The following SIPA1L2 variants were observed in gnomAD, a reference collection of about 807,000 sequenced individuals.
SIPA1L2 encodes the protein signal-induced proliferation-associated 1-like protein 2.
SIPA1L2 carries 56 observed loss-of-function variants against 163.9 expected under a neutral mutation model. The ratio of observed to expected loss-of-function variants is 0.34; its 90% confidence interval spans 0.28 to 0.43. The LOEUF is 0.43. SIPA1L2 is among the 20% of genes least tolerant of loss of function. The pLI is 1.00. For synonymous variants in SIPA1L2, 877 were observed against 865.7 expected, an observed-to-expected ratio of 1.01 and a Z score of -0.23; for missense variants, 1,974 against 2,193.5, an observed-to-expected ratio of 0.90 and a Z score of 2.00.
Position 232,513,858 on chromosome 1 carries a change from T to C in SIPA1L2, c.1482A>G (p.Lys494=). 6.4e-7 allele frequency: 1 copy of C among 1,562,172 alleles called. No individual in the cohort carries two copies. ...CAAACGCCCATGGCTCTTCCTTACC[T>C]TTCCCATAGAAGAATTTGCGGTAAT... is the stretch of plus-strand genomic sequence containing the variant. ...AYYYRKFFYG[K]EHQNYFGIDE... The change falls in exon 3 of 23, where the codon AAA becomes AAG. Residue 494 remains lysine, a splice_region_variant and synonymous_variant. Transcript: ENST00000674635.
At chr1:232,594,725 T>C (rs1480915883) in intron 1 of SIPA1L2, among the ~76,000 whole-genome samples, 1 of 152,086 alleles carries the variant, frequency 6.6e-6, no homozygotes, top group Non-Finnish European at 1.5e-5. Context: ...CCCTAAAAAG[T>C]CCTAGTCTCT....
intron 3 of SIPA1L2, among the ~76,000 whole-genome samples, chr1:232,505,275 T>C (rs1046288568): frequency 3.3e-5 from 5 of 152,098 alleles, no homozygotes; most frequent in African/African-American, 7.2e-5. Context: ...GTGGGACAAA[T>C]AGTGAAATAA....
At position 232,502,553 on chromosome 1, in the gene SIPA1L2, A is replaced by G. The variant is rs536485893; in HGVS notation, c.1484-8893T>C. Among the ~76,000 whole-genome samples, 22 of 151,722 alleles carry G rather than the reference A, an allele frequency of 1.5e-4. No homozygotes were observed. The East Asian group carries it at 4.1e-3, about 28-fold the overall frequency. On this transcript the variant is annotated intron_variant, in intron 3 of 22. Coordinates refer to ENST00000674635, the MANE Select transcript of SIPA1L2 (RefSeq NM_020808.5). ...ATTTGTATATTCCCCTTTTTATCAA[A>G]GATGGCAGGTGAATTAAAAAAAAAA...
intron 2 of SIPA1L2, among the ~76,000 whole-genome samples, chr1:232,567,921 T>C (rs926891651): frequency 1.3e-5 from 2 of 152,222 alleles, no homozygotes; most frequent in African/African-American, 4.8e-5. Context: ...ATAATGCCTA[T>C]GTAATGAAGC....
chr1:232,583,256 G>C (rs2102809245), intron 1 of SIPA1L2, among the ~76,000 whole-genome samples: 1 of 152,226 alleles, frequency 6.6e-6, no homozygotes, highest in East Asian at 1.9e-4. Context: ...AAAGATATAA[G>C]TTAGGAAGTA....
intron 15 of SIPA1L2, among the ~76,000 whole-genome samples, chr1:232,437,352 C>T (rs1662625048): frequency 6.6e-6 from 1 of 152,100 alleles, no homozygotes. Flanking sequence ...TGAAATTAAG[C>T]CAGGAATAAT....
chr1:232,412,383 G>T (rs1426647458), intron 19 of SIPA1L2, among the ~76,000 whole-genome samples: 1 of 152,172 alleles, frequency 6.6e-6, no homozygotes, highest in Non-Finnish European at 1.5e-5. Flanking sequence ...ATTATTCCAA[G>T]GAAGTCTGAG....
chr1:232,607,033 G>C (rs1175310469), intron 1 of SIPA1L2, among the ~76,000 whole-genome samples: 2 of 151,950 alleles, frequency 1.3e-5, no homozygotes, highest in African/African-American at 4.8e-5. Flanking sequence ...ATTGAATCAG[G>C]AAACTGTTTT....
chr1:232,594,905 G>T (rs1012362854), intron 1 of SIPA1L2, among the ~76,000 whole-genome samples: 6 of 152,120 alleles, frequency 3.9e-5, no homozygotes, highest in African/African-American at 1.2e-4. Flanking sequence ...GATCTGCAGC[G>T]CCCACACCCA....
intron 18 of SIPA1L2, 75 bp downstream of exon 18, chr1:232,425,514 G>C (rs1353336050): frequency 8.7e-7 from 1 of 1,152,698 alleles, no homozygotes; most frequent in Non-Finnish European, 1.2e-6. Context: ...TCCACCCTCA[G>C]AGCTCAATGA....
intron 8 of SIPA1L2, among the ~76,000 whole-genome samples, chr1:232,470,310 T>C (rs929761835): frequency 3.3e-5 from 5 of 152,206 alleles, no homozygotes; most frequent in African/African-American, 1.2e-4. Flanking sequence ...ACAGGTGTAC[T>C]GCATTAGAAC....
At chr1:232,541,917 T>A (rs539036012) in intron 2 of SIPA1L2, among the ~76,000 whole-genome samples, 1 of 142,876 alleles carries the variant, frequency 7.0e-6, no homozygotes, top group Non-Finnish European at 1.5e-5. Context: ...GAATGTTAAA[T>A]CTTGGGCTGA....
At chr1:232,461,573 T>TG (rs1475438958) in intron 9 of SIPA1L2, among the ~76,000 whole-genome samples, 1 of 152,208 alleles carries the variant, frequency 6.6e-6, no homozygotes, top group Admixed American at 6.5e-5. Context: ...TCGTTCTAGA[T>TG]GGATTTTTGC....
chr1:232,609,842 A>G (rs1173710236), intron 1 of SIPA1L2, among the ~76,000 whole-genome samples: 3 of 151,722 alleles, frequency 2.0e-5, no homozygotes, highest in Non-Finnish European at 4.4e-5. Context: ...AAAAAAAAAA[A>G]AAAGAAAAAG....
At chr1:232,439,780 A>C (rs934432765) in intron 14 of SIPA1L2, among the ~76,000 whole-genome samples, 1 of 152,228 alleles carries the variant, frequency 6.6e-6, no homozygotes, top group African/African-American at 2.4e-5. Flanking sequence ...GTCACTAGCA[A>C]AGAAAATAAT....
Position 232,496,281 on chromosome 1 carries a change from A to G in SIPA1L2, c.1484-2621T>C, listed in dbSNP as rs545486931. 2.6e-5 allele frequency among the ~76,000 whole-genome samples: 4 copies of G among 152,364 alleles called. No homozygotes were observed. In the East Asian group the frequency reaches 5.8e-4, roughly 22 times the overall value. ...ACTGCCTACAGTATTCAGTACAGTA[A>G]CATGCTGTGCAGGTTTGTAGCCTAG... On this transcript the variant is annotated intron_variant, in intron 3 of 22. Coordinates refer to ENST00000674635, the MANE Select transcript of SIPA1L2 (RefSeq NM_020808.5).
chr1:232,546,910 C>G (rs1658063817), intron 2 of SIPA1L2, among the ~76,000 whole-genome samples: 1 of 152,178 alleles, frequency 6.6e-6, no homozygotes, highest in African/African-American at 2.4e-5. Context: ...AGGAGGAGGT[C>G]TGCCAGGTGG....
intron 2 of SIPA1L2, among the ~76,000 whole-genome samples, chr1:232,535,088 C>T (rs552013276): frequency 8.5e-5 from 13 of 152,170 alleles, no homozygotes; most frequent in Non-Finnish European, 1.8e-4. Context: ...GTACAAGATA[C>T]AATTCCCAAT....
intron 1 of SIPA1L2, among the ~76,000 whole-genome samples, chr1:232,608,034 C>A (rs911226057): frequency 1.9e-5 from 2 of 103,704 alleles, no homozygotes; most frequent in African/African-American, 8.8e-5. Flanking sequence ...GCAACAAGAG[C>A]GAAACTCCAT....
Sources: allele counts gnomAD v4.1 joint callset (sites outside exome capture counted in the v4.1 genomes callset), GRCh38; gene constraint gnomAD v4.1.1; transcripts MANE v1.5; gene names NCBI Gene and HGNC (gene_info 2026-07-23, HGNC 2026-07-21).